SCYL1: variants seen among roughly 807,000 people sequenced by gnomAD.
SCYL1 encodes SCY1 like pseudokinase 1.
A neutral mutation model predicts 94.8 loss-of-function variants in SCYL1; 85 were observed. The observed-to-expected ratio is 0.90, with a 90% CI of 0.75 to 1.07. The LOEUF is 1.07. SCYL1 is among the 50% of genes least tolerant of loss of function. The pLI, the probability that SCYL1 is intolerant of heterozygous loss-of-function variation, is 0.00. For missense variants in SCYL1, 968 were observed against 1,083.3 expected, an observed-to-expected ratio of 0.89 and a Z score of 1.49; for synonymous variants, 459 against 435.5, an observed-to-expected ratio of 1.05 and a Z score of -0.67.
At chr11:65,535,717 C>A (rs1855602898) in intron 10 of SCYL1, 2 of 579,518 alleles carry the variant, frequency 3.5e-6, no homozygotes, top group Non-Finnish European at 6.0e-6. Flanking sequence ...GTGTCCGAGC[C>A]CTGGGGACAG....
In SCYL1 at chr11:65,536,024, G is replaced by A. The variant is rs764540268; in HGVS notation, c.1458G>A (p.Ala486=). 1.7e-5 allele frequency: 27 copies of A among 1,613,974 alleles called. No individual in the cohort carries two copies. The highest frequency in any genetic ancestry group is 8.3e-5 in the Admixed American group (5 of 59,974). Reference sequence around the variant, plus strand: ...ACCCGTTTGCACCGTCCCGGGTTGCGGGTGTCCTGGGCTTTGCTGCCACCC... The same window carrying A: ...ACCCGTTTGCACCGTCCCGGGTTGCAGGTGTCCTGGGCTTTGCTGCCACCC... ...TRDPFAPSRV[A]GVLGFAATHN... Residue 486 remains alanine, a synonymous_variant, in exon 11 of 18, where the codon GCG becomes GCA. Coordinates refer to ENST00000270176, the MANE Select transcript of SCYL1 (RefSeq NM_020680.4).
Position 65,526,062 on chromosome 11 carries a change from G to C in SCYL1, c.375+19G>C, listed in dbSNP as rs370720700. ...GATCGTGGTGAGGTGGGGGGCAGTG[G>C]TGATGAGAGCAGGGATGGGGGGTTG... On this transcript the variant is annotated intron_variant, in intron 3 of 17. Transcript: ENST00000270176. This position sits in a 1 kb window ranked among gnomAD's most constrained non-coding sequence, Gnocchi z 4.1. 2.2e-5 allele frequency: 36 copies of C among 1,612,540 alleles called. No individual in the cohort carries two copies. The highest frequency in any genetic ancestry group is 3.1e-5 in the Non-Finnish European group (36 of 1,179,642).
Position 65,536,651 on chromosome 11 carries a change from G to A in SCYL1, c.1717G>A (p.Ala573Thr), listed in dbSNP as rs1855659992. Residue 573 changes from alanine (A) to threonine (T), a missense_variant, in exon 13 of 18, where the codon GCC becomes ACC. Physicochemically the swap from Ala to Thr is moderately conservative, Grantham distance 58. This residue lies in a region of SCYL1 where 474 missense variants were observed against 463.6 expected (regional missense o/e 1.02). Transcript: ENST00000270176. ...GGAAASWAGWAVTGVSSLTSK... is the reference protein window; with the variant it reads ...GGAAASWAGWTVTGVSSLTSK... ...AGCCGCAGCTAGCTGGGCAGGCTGG[G>A]CCGTGACCGGGGTCTCCTCACTCAC... 1.2e-6 allele frequency: 2 copies of A among 1,614,108 alleles called. No homozygotes were observed. The highest frequency in any genetic ancestry group is 8.5e-7 in the Non-Finnish European group (1 of 1,179,982).
intron 9 of SCYL1, 140 bp downstream of exon 9, chr11:65,532,945 CA>C (rs1855460355): frequency 1.4e-5 from 9 of 634,282 alleles, no homozygotes; most frequent in Middle Eastern, 6.0e-4. Context: ...GCCGTGGGTG[CA>C]GCTCGGCAGC....
intron 9 of SCYL1, 156 bp downstream of exon 9, chr11:65,532,961 G>C: frequency 1.6e-6 from 1 of 608,090 alleles, no homozygotes; most frequent in Non-Finnish European, 3.0e-6. Context: ...GGCAGCTGGC[G>C]GGGGAGCACG....
chr11:65,535,102 G>C (rs1021207575), intron 9 of SCYL1, 125 bp from the exon 10 acceptor site: 6 of 1,246,298 alleles, frequency 4.8e-6, no homozygotes, highest in Admixed American at 4.4e-5. Flanking sequence ...GCCAGGCCCA[G>C]GCTGGGAGGT....
In SCYL1 at chr11:65,526,109, T is replaced by C. The variant is rs1279663107; in HGVS notation, c.376-15T>C. ...GTTGCAGGTGCTGGGGCGTGATGGC[T>C]CCTTTTGCCCCCAGAAAGCCCTCAG... On this transcript the variant is annotated splice_polypyrimidine_tract_variant and intron_variant, in intron 3 of 17. Transcript: ENST00000270176. This position sits in a 1 kb window ranked among gnomAD's most constrained non-coding sequence, Gnocchi z 4.1. The C allele has an allele frequency of 1.2e-6, 2 of 1,612,410 alleles. No individual in the cohort carries two copies. The highest frequency in any genetic ancestry group is 1.7e-6 in the Non-Finnish European group (2 of 1,179,610).
Position 65,526,419 on chromosome 11 carries a change from A to G in SCYL1, c.602+69A>G. 3.8e-6 allele frequency: 5 copies of G among 1,302,154 alleles called. No individual in the cohort carries two copies. Among genetic ancestry groups the G allele is most frequent in the Non-Finnish European group, 4.2e-6 (4 of 943,628 alleles). 80.7% of individuals were successfully genotyped at this position (1,302,154 alleles called of 1,614,324 possible). A position where few individuals can be genotyped will look rare whatever the true frequency, so the allele number is the denominator to read the frequency against. ...AGGCCCCTGCAGCCTCAGGACTCCTAGACTAGTTGGCACTCCCCTGTTCCC... is the reference window on the plus strand; with the variant it reads ...AGGCCCCTGCAGCCTCAGGACTCCTGGACTAGTTGGCACTCCCCTGTTCCC... On this transcript the variant is annotated intron_variant, in intron 4 of 17. Coordinates refer to ENST00000270176, the MANE Select transcript of SCYL1 (RefSeq NM_020680.4). The surrounding 1 kb of genome is among the most constrained non-coding windows in gnomAD (Gnocchi z 4.1).
chr11:65,537,932 G>GC (rs1295780883), intron 15 of SCYL1, 35 bp from the exon 16 acceptor site: 24 of 1,589,322 alleles, frequency 1.5e-5, no homozygotes, highest in Non-Finnish European at 2.0e-5. Flanking sequence ...TCCTCCTTGG[G>GC]CCCAGGGCTA....
intron 6 of SCYL1, 67 bp downstream of exon 6, chr11:65,527,184 G>C: frequency 1.3e-5 from 21 of 1,558,820 alleles, no homozygotes; most frequent in Non-Finnish European, 1.8e-5. Context: ...CTGCTTTTCA[G>C]GGTACCTCAC....
At chr11:65,531,534 C>T (rs765285107) in intron 7 of SCYL1, 42 bp from the exon 8 acceptor site, 1 of 1,465,898 alleles carries the variant, frequency 6.8e-7, no homozygotes, top group South Asian at 1.1e-5. Context: ...CAAAGTCAGC[C>T]CATTCCTGTG....
At chr11:65,527,686 C>G (rs1855155288) in intron 6 of SCYL1, among the ~76,000 whole-genome samples, 1 of 142,374 alleles carries the variant, frequency 7.0e-6, no homozygotes, top group Non-Finnish European at 1.5e-5. Context: ...GAGCCGAGAT[C>G]GTGCCACTGC....
At chr11:65,525,290 C>T (rs955314173) in intron 1 of SCYL1, 26 bp downstream of exon 1, 52 of 1,377,676 alleles carry the variant, frequency 3.8e-5, no homozygotes, top group Non-Finnish European at 4.6e-5. Flanking sequence ...CTCCGTAGGC[C>T]GCGGTCGACC....
chr11:65,526,752 G>T lies in SCYL1; in HGVS notation c.603-31G>T. The stretch of plus-strand genomic sequence containing the variant: ...TGGAGGCCTGTGCAGGTGGTTGGTG[G>T]GGCCCTAAGAGCTCTGGGTCACTGC... On this transcript the variant is annotated intron_variant, in intron 4 of 17. Transcript: ENST00000270176. This position sits in a 1 kb window ranked among gnomAD's most constrained non-coding sequence, Gnocchi z 4.1. 6.3e-7 allele frequency: 1 copy of T among 1,596,668 alleles called. No homozygotes were observed.
At chr11:65,530,570 C>T in intron 6 of SCYL1, 59 bp from the exon 7 acceptor site, 1 of 1,555,620 alleles carries the variant, frequency 6.4e-7, no homozygotes, top group Non-Finnish European at 8.7e-7. Context: ...TCACCCATGG[C>T]TGGGTTTGGG....
In SCYL1 at chr11:65,537,814, G is replaced by A; in HGVS notation, c.1965G>A (p.Glu655=). The A allele has an allele frequency of 6.4e-7, 1 of 1,562,290 alleles. No homozygotes were observed. The highest frequency in any genetic ancestry group is 1.2e-5 in the South Asian group (1 of 84,664). The change falls in exon 15 of 18, where the codon GAG becomes GAA. Residue 655 remains glutamate (E), a synonymous_variant. Transcript: ENST00000270176. ...DDEDWGSLEQ[E]AESVLAQQDD... ...GGTCCCTTCCCACACTGCAGCAGGA[G>A]GCCGAGTCTGTGCTGGCCCAGCAGG... is the stretch of plus-strand genomic sequence containing the variant.
At chr11:65,533,219 C>T (rs1015855898) in intron 9 of SCYL1, 14 of 190,434 alleles carry the variant, frequency 7.4e-5, no homozygotes, top group African/African-American at 6.9e-5. Context: ...GTCAGGAGTT[C>T]GAGACCAGCC....
Position 65,525,087 on chromosome 11 carries a change from C to G in SCYL1, c.-67C>G. 8.9e-7 allele frequency: 1 copy of G among 1,124,608 alleles called. No individual in the cohort carries two copies. Among genetic ancestry groups the G allele is most frequent in the African/African-American group, 1.6e-5 (1 of 60,740 alleles). 69.7% of individuals were successfully genotyped at this position (1,124,608 alleles called of 1,614,324 possible). On this transcript the variant is annotated 5_prime_UTR_variant, in exon 1 of 18. Transcript: ENST00000270176. ...CGCAGGCCCCGCCCCCTCTCCGCCC[C>G]GCCCCGGCTCGGGCGGCCGGAGGAC...
At chr11:65,537,407 T>TA (rs1855728248) in intron 14 of SCYL1, among the ~76,000 whole-genome samples, 1 of 152,098 alleles carries the variant, frequency 6.6e-6, no homozygotes, top group Non-Finnish European at 1.5e-5. Context: ...CCTCCTCCAG[T>TA]GCCCACCCAG....
Sources: allele counts gnomAD v4.1 joint callset (sites outside exome capture counted in the v4.1 genomes callset), GRCh38; gene constraint gnomAD v4.1.1; regional missense constraint gnomAD v4.1.1; non-coding constraint Gnocchi (gnomAD v3.1); transcripts MANE v1.5; gene names NCBI Gene and HGNC (gene_info 2026-07-23, HGNC 2026-07-21).